Variants in GPC1 observed in about 807,000 individuals in gnomAD.
The protein encoded by GPC1 is glypican 1.
In GPC1, 26 loss-of-function variants were observed where a neutral mutation model predicts 51.5. The ratio of observed to expected loss-of-function variants is 0.50; its 90% confidence interval spans 0.37 to 0.70. The LOEUF (loss-of-function observed/expected upper bound fraction) is 0.70. Ranked by LOEUF, GPC1 falls within the 30% of genes least tolerant of loss-of-function variation. The pLI is 0.00. For synonymous variants in GPC1, 380 were observed against 348.3 expected (o/e 1.09, Z -1.01); for missense variants, 775 against 800.5 (o/e 0.97, Z 0.38).
In GPC1 at chr2:240,465,130, C is replaced by T; in HGVS notation, c.1188C>T (p.Leu396=). 6.2e-7 allele frequency: 1 copy of T among 1,612,036 alleles called. No individual in the cohort carries two copies. The highest frequency in any genetic ancestry group is 8.5e-7 in the Non-Finnish European group (1 of 1,179,668). The change falls in exon 7 of 9, where the codon CTC becomes CTT. Residue 396 remains leucine (L), a synonymous_variant. Coordinates refer to ENST00000264039, the MANE Select transcript of GPC1 (RefSeq NM_002081.3). ...ACGTCCAGGACTTCTGGATCAGCCT[C>T]CCAGGGACACTGTGCAGTGAGAAGA... ...LRDVQDFWIS[L]PGTLCSEKMA...
intron 1 of GPC1, among the ~76,000 whole-genome samples, chr2:240,440,448 T>G (rs1396792576): frequency 6.6e-6 from 1 of 152,224 alleles, no homozygotes; most frequent in African/African-American, 2.4e-5. Flanking sequence ...TCTGCACTTC[T>G]TGGAAGGCTC....
intron 1 of GPC1, among the ~76,000 whole-genome samples, chr2:240,438,333 T>C (rs4311058): frequency 0.17 from 26,580 of 152,174 alleles, 2,954 homozygotes; most frequent in African/African-American, 0.31. Flanking sequence ...CCACGTGGGC[T>C]GAGGGAAACA....
At chr2:240,436,278 A>ACTCCCTCGCCAGGGT (rs1379868687) in intron 1 of GPC1, among the ~76,000 whole-genome samples, 194 bp downstream of exon 1, 1 of 151,032 alleles carries the variant, frequency 6.6e-6, no homozygotes, top group East Asian at 2.0e-4. Context: ...CCCGCGCCGC[A>ACTCCCTCGCCAGGGT]CTCCCTCGCC....
intron 1 of GPC1, among the ~76,000 whole-genome samples, chr2:240,437,133 G>A (rs919548348): frequency 6.6e-6 from 1 of 152,216 alleles, no homozygotes; most frequent in Non-Finnish European, 1.5e-5. Context: ...GGGAGTGGGA[G>A]TGCGGGTGGA....
At chr2:240,465,393 G>A (rs116058094) in intron 7 of GPC1, 80 bp from the exon 8 acceptor site, 44,711 of 1,433,884 alleles carry the variant, frequency 0.031, 772 homozygotes, top group Non-Finnish European at 0.036. Context: ...GGCTCAGAGC[G>A]TGGGAGAGTG....
intron 1 of GPC1, chr2:240,450,761 C>T (rs1479174638): frequency 4.3e-6 from 2 of 469,960 alleles, no homozygotes; most frequent in African/African-American, 2.0e-5. Flanking sequence ...TTCCCCCCGA[C>T]ATCATTTAGA....
At chr2:240,447,156 G>A (rs1331169561) in intron 1 of GPC1, among the ~76,000 whole-genome samples, 9 of 152,088 alleles carry the variant, frequency 5.9e-5, no homozygotes, top group South Asian at 2.1e-4. Flanking sequence ...GGGTCTGAGG[G>A]CATTAAGGCT....
At chr2:240,456,769 G>T (rs944683165) in intron 1 of GPC1, 1 of 378,030 alleles carries the variant, frequency 2.6e-6, no homozygotes, top group Admixed American at 3.1e-5. Flanking sequence ...CTGCCCCCAC[G>T]GGGGTGGGAC....
intron 1 of GPC1, chr2:240,456,162 C>T: frequency 3.9e-6 from 1 of 257,494 alleles, no homozygotes; most frequent in South Asian, 3.1e-5. Flanking sequence ...GAGGCTGAGG[C>T]GCGGGGGCCG....
At position 240,465,103 on chromosome 2, in the gene GPC1, C is replaced by T. The variant is rs781129332; in HGVS notation, c.1161C>T (p.Arg387=). ...KLVSEAKAQL[R]DVQDFWISLP... is the part of the protein sequence containing the mutation. ...TCTCCGAAGCCAAGGCCCAGCTCCG[C>T]GACGTCCAGGACTTCTGGATCAGCC... is the stretch of plus-strand genomic sequence containing the variant. Residue 387 remains arginine (R), a synonymous_variant, in exon 7 of 9, where the codon CGC becomes CGT. Transcript: ENST00000264039. 8.1e-6 allele frequency: 13 copies of T among 1,609,976 alleles called. No homozygotes were observed. Among genetic ancestry groups the T allele is most frequent in the South Asian group, 5.5e-5 (5 of 90,388 alleles).
chr2:240,444,871 C>T (rs2151786901), intron 1 of GPC1, among the ~76,000 whole-genome samples: 1 of 152,264 alleles, frequency 6.6e-6, no homozygotes, highest in South Asian at 2.1e-4. Flanking sequence ...AGAACCGGGG[C>T]CAGGAGGCCC....
At position 240,435,785 on chromosome 2, in the gene GPC1, C is replaced by A; in HGVS notation, c.-134C>A. 2.0e-6 allele frequency: 1 copy of A among 507,842 alleles called. No homozygotes were observed. Among genetic ancestry groups the A allele is most frequent in the Non-Finnish European group, 2.9e-6 (1 of 343,152 alleles). 31.5% of individuals were successfully genotyped at this position (507,842 alleles called of 1,614,324 possible). ...CTTTTGTTGTCTCCGCCTCCTCGGC[C>A]GCCGCCGCCTCTGGACCGCGAGCCG... On this transcript the variant is annotated 5_prime_UTR_variant, in exon 1 of 9. Coordinates refer to ENST00000264039, the MANE Select transcript of GPC1 (RefSeq NM_002081.3).
At chr2:240,446,248 C>T (rs558201554) in intron 1 of GPC1, among the ~76,000 whole-genome samples, 45 of 152,340 alleles carry the variant, frequency 3.0e-4, no homozygotes, top group African/African-American at 1.1e-3. Flanking sequence ...GGCCATCTGC[C>T]TGCCGTGCGA....
intron 1 of GPC1, among the ~76,000 whole-genome samples, chr2:240,438,042 T>A (rs1359996333): frequency 2.0e-5 from 3 of 152,112 alleles, no homozygotes; most frequent in African/African-American, 7.2e-5. Context: ...ATTGTGTTGA[T>A]TTCTCTGTGT....
chr2:240,459,686 T>A (rs2074200086), intron 2 of GPC1, among the ~76,000 whole-genome samples: 1 of 151,940 alleles, frequency 6.6e-6, no homozygotes, highest in Non-Finnish European at 1.5e-5. Context: ...GCCCTTTATA[T>A]CGGGGCAGGA....
chr2:240,450,121 C>G (rs2074084046), intron 1 of GPC1: 1 of 344,202 alleles, frequency 2.9e-6, no homozygotes, highest in Non-Finnish European at 5.7e-6. Context: ...TGTAACTGGC[C>G]CCCGTGCTTT....
Position 240,435,742 on chromosome 2 carries a change from C to G in GPC1, c.-177C>G, listed in dbSNP as rs1459571340. 1 of 291,202 alleles carries G rather than the reference C, an allele frequency of 3.4e-6. No individual in the cohort carries two copies. The highest frequency in any genetic ancestry group is 6.8e-5 in the East Asian group (1 of 14,714). 18.0% of individuals were successfully genotyped at this position (291,202 alleles called of 1,614,324 possible). ...CGGACCTCGCACCCCGCGCGCCCCGCGCCGCCGCCGCCGCCGGCTTTTGTT... is the reference window on the plus strand; with the variant it reads ...CGGACCTCGCACCCCGCGCGCCCCGGGCCGCCGCCGCCGCCGGCTTTTGTT... On this transcript the variant is annotated 5_prime_UTR_variant, in exon 1 of 9. Coordinates refer to ENST00000264039, the MANE Select transcript of GPC1 (RefSeq NM_002081.3).
chr2:240,453,561 C>T (rs1233782709), intron 1 of GPC1, among the ~76,000 whole-genome samples: 2 of 138,010 alleles, frequency 1.4e-5, no homozygotes, highest in Non-Finnish European at 3.2e-5. Flanking sequence ...ACCCCCGTGC[C>T]TGCCGCACCC....
At chr2:240,436,274 C>G (rs1444602780) in intron 1 of GPC1, among the ~76,000 whole-genome samples, 190 bp downstream of exon 1, 1 of 152,114 alleles carries the variant, frequency 6.6e-6, no homozygotes, top group Non-Finnish European at 1.5e-5. Flanking sequence ...AAGCCCCGCG[C>G]CGCACTCCCT....
Sources: gnomAD v4.1 joint callset for allele counts (sites outside exome capture counted in the v4.1 genomes callset) on GRCh38, gnomAD v4.1.1 for gene constraint, MANE v1.5 for transcripts, NCBI Gene and HGNC (gene_info 2026-07-23, HGNC 2026-07-21) for gene names.